GFPT2: variants seen among roughly 807,000 people sequenced by gnomAD.
GFPT2 encodes the protein glutamine--fructose-6-phosphate transaminase 2.
A neutral mutation model predicts 85.6 loss-of-function variants in GFPT2; 62 were observed. That is an observed-to-expected ratio of 0.72 (90% confidence interval 0.59 to 0.90). GFPT2 has a LOEUF of 0.90. GFPT2 is among the 40% of genes least tolerant of loss of function. GFPT2 has a pLI of 0.00. For synonymous variants in GFPT2, 368 were observed against 344.5 expected, an observed-to-expected ratio of 1.07 and a Z score of -0.75; for missense variants, 788 against 893.4, an observed-to-expected ratio of 0.88 and a Z score of 1.50.
chr5:180,321,950 A>AT (rs368624976), intron 9 of GFPT2, among the ~76,000 whole-genome samples: 1,563 of 147,640 alleles, frequency 0.011, 25 homozygotes, highest in African/African-American at 0.037. Flanking sequence ...CGCCCGGCTG[A>AT]TTTTTTTTTT....
intron 1 of GFPT2, among the ~76,000 whole-genome samples, chr5:180,349,879 T>G (rs1414973865): frequency 3.0e-5 from 3 of 100,820 alleles, no homozygotes; most frequent in Non-Finnish European, 4.8e-5. Context: ...ACAGTGATTG[T>G]TTTTTTTTTT....
At chr5:180,329,865 C>CA (rs1764273962) in intron 6 of GFPT2, among the ~76,000 whole-genome samples, 1 of 152,210 alleles carries the variant, frequency 6.6e-6, no homozygotes, top group African/African-American at 2.4e-5. Flanking sequence ...ACCTCCTCCT[C>CA]AGTGTAGGGG....
intron 15 of GFPT2, among the ~76,000 whole-genome samples, chr5:180,311,219 G>A (rs993561427): frequency 6.6e-6 from 1 of 152,238 alleles, no homozygotes; most frequent in African/African-American, 2.4e-5. Flanking sequence ...TGTCCGCAGT[G>A]AGCGTTCCAT....
chr5:180,310,805 C>T (rs1392543769), intron 15 of GFPT2, among the ~76,000 whole-genome samples: 1 of 129,856 alleles, frequency 7.7e-6, no homozygotes, highest in Non-Finnish European at 1.5e-5. Flanking sequence ...GCACAGCCAC[C>T]ACTGCCTTTG....
chr5:180,301,474 G>A lies in GFPT2; in HGVS notation c.*90C>T. On this transcript the variant is annotated 3_prime_UTR_variant, in exon 19 of 19. Transcript: ENST00000253778. ...CAGGAGCACGCAGAACATGTGGGAT[G>A]TCCACTTCTCTTCCCATGTAGCATC... 1 of 1,102,566 alleles carries A rather than the reference G, an allele frequency of 9.1e-7. No homozygotes were observed. Among genetic ancestry groups the A allele is most frequent in the Non-Finnish European group, 1.4e-6 (1 of 714,942 alleles). The allele number at this position is 1,102,566 out of a possible 1,614,324, so 68.3% of individuals were successfully genotyped here. A position where few individuals can be genotyped will look rare whatever the true frequency, so the allele number is the denominator to read the frequency against.
chr5:180,345,366 A>G (rs926300144), intron 1 of GFPT2, among the ~76,000 whole-genome samples: 5 of 152,228 alleles, frequency 3.3e-5, no homozygotes, highest in African/African-American at 1.2e-4. Flanking sequence ...GGATGGACCC[A>G]TCGGGGGGCC....
At chr5:180,336,198 C>T (rs1764391547) in intron 3 of GFPT2, 1 of 573,150 alleles carries the variant, frequency 1.7e-6, no homozygotes, top group East Asian at 2.9e-5. Flanking sequence ...AATGATATAT[C>T]CCTACCATAA....
intron 15 of GFPT2, among the ~76,000 whole-genome samples, chr5:180,308,608 A>G (rs1218282979): frequency 1.3e-5 from 2 of 152,232 alleles, no homozygotes; most frequent in Admixed American, 6.5e-5. Flanking sequence ...ACCACAGTAC[A>G]TCAAACTTGA....
chr5:180,313,784 C>A, intron 14 of GFPT2, 23 bp downstream of exon 14: 2 of 1,531,688 alleles, frequency 1.3e-6, no homozygotes, highest in Non-Finnish European at 8.7e-7. Flanking sequence ...CTCCCTGGGA[C>A]GGGCGCCCGT....
chr5:180,302,945 C>T lies in GFPT2; in HGVS notation c.1843-361G>A, dbSNP rs1212981037. Among the ~76,000 whole-genome samples, 5 of 152,080 alleles carry T rather than the reference C, an allele frequency of 3.3e-5. No individual in the cohort carries two copies. In the South Asian group the frequency reaches 6.2e-4, roughly 19 times the overall value. ...GCAAACCAAGAAATAAAGATGAATT[C>T]CAGGCCGGGCGTGGTGGCTCACGCC... On this transcript the variant is annotated intron_variant, in intron 17 of 18. Coordinates refer to ENST00000253778, the MANE Select transcript of GFPT2 (RefSeq NM_005110.4).
At position 180,313,526 on chromosome 5, in the gene GFPT2, CT is replaced by C. The variant is rs571339678; in HGVS notation, c.1431+280del. Reference sequence around the variant, plus strand: ...AATGGCGTGAACCCGGGAGGCGGAGCTTGCAGTGAGCCGAGATCGCGCCCCT... The same window carrying C: ...AATGGCGTGAACCCGGGAGGCGGAGCTGCAGTGAGCCGAGATCGCGCCCCT... On this transcript the variant is annotated intron_variant, in intron 14 of 18. Transcript: ENST00000253778. Among the ~76,000 whole-genome samples the C allele has an allele frequency of 3.3e-5, 5 of 151,344 alleles. No homozygotes were observed. In the South Asian group the frequency reaches 1.0e-3, roughly 32 times the overall value.
At chr5:180,348,277 G>A (rs1007826064) in intron 1 of GFPT2, among the ~76,000 whole-genome samples, 1 of 152,236 alleles carries the variant, frequency 6.6e-6, no homozygotes, top group Non-Finnish European at 1.5e-5. Flanking sequence ...GCGTGTGCAC[G>A]TGTGTGCCTG....
At chr5:180,347,047 G>A (rs1397836605) in intron 1 of GFPT2, among the ~76,000 whole-genome samples, 3 of 152,216 alleles carry the variant, frequency 2.0e-5, no homozygotes, top group East Asian at 3.9e-4. Context: ...TCACATTGAA[G>A]AGACAGGGGA....
chr5:180,313,655 G>C lies in GFPT2; in HGVS notation c.1431+152C>G, dbSNP rs1763943058. On this transcript the variant is annotated intron_variant, in intron 14 of 18. Coordinates refer to ENST00000253778, the MANE Select transcript of GFPT2 (RefSeq NM_005110.4). The stretch of plus-strand genomic sequence containing the variant: ...AATGAAGATACGGGAATCCAAGAGG[G>C]GAGGGGAAAGGAAAGGAGCGGAGAG... The C allele has an allele frequency of 1.4e-5, 6 of 421,440 alleles. No individual in the cohort carries two copies. The East Asian group carries it at 2.1e-4, about 15-fold the overall frequency. The allele number at this position is 421,440 out of a possible 1,614,324, so 26.1% of individuals were successfully genotyped here.
chr5:180,331,779 C>T (rs1418247941), intron 4 of GFPT2: 13 of 543,766 alleles, frequency 2.4e-5, no homozygotes, highest in South Asian at 2.1e-4. Flanking sequence ...ACAATGGGAT[C>T]CGGAGGAAAT....
At position 180,318,621 on chromosome 5, in the gene GFPT2, C is replaced by G; in HGVS notation, c.958+172G>C. ...CCCCCGCTTGGAGGTGCCAGGCCAG[C>G]CTCCCCACATCCCCTCACCTGTGCA... On this transcript the variant is annotated intron_variant, in intron 10 of 18. Transcript: ENST00000253778. This position sits in a 1 kb window ranked among gnomAD's most constrained non-coding sequence, Gnocchi z 4.2. 1.7e-6 allele frequency: 1 copy of G among 599,044 alleles called. No homozygotes were observed. Among genetic ancestry groups the G allele is most frequent in the Non-Finnish European group, 2.9e-6 (1 of 339,744 alleles). 37.1% of individuals were successfully genotyped at this position (599,044 alleles called of 1,614,324 possible). A position where few individuals can be genotyped will look rare whatever the true frequency, so the allele number is the denominator to read the frequency against.
chr5:180,348,721 ACATTT>A (rs1257473889), intron 1 of GFPT2, among the ~76,000 whole-genome samples: 1 of 149,692 alleles, frequency 6.7e-6, no homozygotes, highest in Admixed American at 6.7e-5. Flanking sequence ...CCTGGACAGG[ACATTT>A]CTTTTCTTTT....
chr5:180,336,836 G>A (rs977698862), intron 2 of GFPT2, among the ~76,000 whole-genome samples: 1 of 152,208 alleles, frequency 6.6e-6, no homozygotes, highest in African/African-American at 2.4e-5. Context: ...TGAGCCCCTC[G>A]GGACACTTCC....
rs558103943 is a variant in GFPT2 at position 180,304,960 on chromosome 5, CAG to C, written c.1675-23_1675-22del. 2,007 of 1,570,012 alleles carry C rather than the reference CAG, an allele frequency of 1.3e-3. 3 individuals carry two copies. Among genetic ancestry groups the C allele is most frequent in the Non-Finnish European group, 1.5e-3 (1,738 of 1,142,298 alleles). ...ATTTTCTGGAAACAGGAGGTGAGAT[CAG>C]AGTCACACTGGGCAGATGGGGCTGG... On this transcript the variant is annotated intron_variant, in intron 16 of 18. Transcript: ENST00000253778.
Sources: allele counts gnomAD v4.1 joint callset (sites outside exome capture counted in the v4.1 genomes callset), GRCh38; gene constraint gnomAD v4.1.1; non-coding constraint Gnocchi (gnomAD v3.1); transcripts MANE v1.5; gene names NCBI Gene and HGNC (gene_info 2026-07-23, HGNC 2026-07-21).